The following GIMAP8 variants were observed in gnomAD, a reference collection of about 807,000 sequenced individuals.
The protein encoded by GIMAP8 is GTPase, IMAP family member 8, also known as GTPase IMAP family member 8.
GIMAP8 carries 29 observed loss-of-function variants against 35.6 expected under a neutral mutation model. That is an observed-to-expected ratio of 0.81 (90% CI 0.61 to 1.11). GIMAP8 has a LOEUF of 1.11. Among genes scored for constraint, GIMAP8 ranks in the 50% most tolerant of loss-of-function variants. The pLI is 0.00. For synonymous variants in GIMAP8, 335 were observed against 308.7 expected (o/e 1.09, Z -0.89); for missense variants, 811 against 805.0 (o/e 1.01, Z -0.09).
chr7:150,470,468 C>A (rs1271528425), intron 2 of GIMAP8, among the ~76,000 whole-genome samples: 1 of 152,030 alleles, frequency 6.6e-6, no homozygotes, highest in Non-Finnish European at 1.5e-5. Context: ...CCTGTTGTCT[C>A]CATTTGCCAG....
At chr7:150,470,937 C>T (rs1390234654) in intron 3 of GIMAP8, 63 bp downstream of exon 3, 5 of 1,184,676 alleles carry the variant, frequency 4.2e-6, no homozygotes, top group Middle Eastern at 1.9e-4. Flanking sequence ...ATTCTGCAGC[C>T]AAAGTGAAGC....
chr7:150,466,949 A>C lies in GIMAP8; in HGVS notation c.251A>C (p.Gln84Pro), dbSNP rs1303937568. 41 of 1,614,132 alleles carry C rather than the reference A, an allele frequency of 2.5e-5. No homozygotes were observed. The highest frequency in any genetic ancestry group is 3.4e-5 in the Non-Finnish European group (40 of 1,180,056). The change falls in exon 2 of 5, where the codon CAA (glutamine) becomes CCA (proline). Residue 84 changes from glutamine (Q) to proline (P), a missense_variant. Coordinates refer to ENST00000307271, the MANE Select transcript of GIMAP8 (RefSeq NM_175571.4). Reference protein sequence around the residue: ...ACAEDKQRNIQHCLELSAPSL... With the variant: ...ACAEDKQRNIPHCLELSAPSL... ...GCTGAAGACAAGCAACGCAACATCCAACACTGCTTGGAGCTCTCTGCTCCC... is the reference window on the plus strand; with the variant it reads ...GCTGAAGACAAGCAACGCAACATCCCACACTGCTTGGAGCTCTCTGCTCCC...
chr7:150,477,834 A>G lies in GIMAP8; in HGVS notation c.*54A>G. 7.0e-7 allele frequency: 1 copy of G among 1,436,068 alleles called. No homozygotes were observed. The highest frequency in any genetic ancestry group is 9.6e-7 in the Non-Finnish European group (1 of 1,044,682). 89.0% of individuals were successfully genotyped at this position (1,436,068 alleles called of 1,614,324 possible). A position where few individuals can be genotyped will look rare whatever the true frequency, so the allele number is the denominator to read the frequency against. On this transcript the variant is annotated 3_prime_UTR_variant, in exon 5 of 5. Coordinates refer to ENST00000307271, the MANE Select transcript of GIMAP8 (RefSeq NM_175571.4). The stretch of plus-strand genomic sequence containing the variant: ...TTAGAGACACCCTCAGGTTGGGGGG[A>G]GGGGCGGGGCATGGTACAACCTGTG...
At chr7:150,459,393 T>G (rs1585112856) in intron 1 of GIMAP8, among the ~76,000 whole-genome samples, 1 of 152,288 alleles carries the variant, frequency 6.6e-6, no homozygotes, top group African/African-American at 2.4e-5. Flanking sequence ...GAAGCATTTC[T>G]TTTTTTGGAA....
intron 1 of GIMAP8, among the ~76,000 whole-genome samples, chr7:150,460,314 A>G (rs1402025194): frequency 6.6e-6 from 1 of 152,172 alleles, no homozygotes; most frequent in Non-Finnish European, 1.5e-5. Flanking sequence ...AAATGTCTTC[A>G]TGTTTTCTTC....
In GIMAP8 at chr7:150,477,840, G is replaced by T; in HGVS notation, c.*60G>T. 1 of 1,389,460 alleles carries T rather than the reference G, an allele frequency of 7.2e-7. No homozygotes were observed. The highest frequency in any genetic ancestry group is 9.9e-7 in the Non-Finnish European group (1 of 1,006,218). 86.1% of individuals were successfully genotyped at this position (1,389,460 alleles called of 1,614,324 possible). ...ACACCCTCAGGTTGGGGGGAGGGGC[G>T]GGGCATGGTACAACCTGTGGGAAGG... On this transcript the variant is annotated 3_prime_UTR_variant, in exon 5 of 5. Coordinates refer to ENST00000307271, the MANE Select transcript of GIMAP8 (RefSeq NM_175571.4).
chr7:150,470,114 A>G, intron 2 of GIMAP8, among the ~76,000 whole-genome samples: 1 of 152,242 alleles, frequency 6.6e-6, no homozygotes, highest in Non-Finnish European at 1.5e-5. Flanking sequence ...TTTTGAATTT[A>G]GAGAACACTA....
rs1003002256 is a variant in GIMAP8 at position 150,477,486 on chromosome 7, A to G, written c.1704A>G (p.Glu568=). The G allele has an allele frequency of 3.7e-6, 6 of 1,614,088 alleles. No homozygotes were observed. The highest frequency in any genetic ancestry group is 4.2e-6 in the Non-Finnish European group (5 of 1,180,026). The change falls in exon 5 of 5, where the codon GAA becomes GAG. Residue 568 remains glutamate, a synonymous_variant. Coordinates refer to ENST00000307271, the MANE Select transcript of GIMAP8 (RefSeq NM_175571.4). ...KYAIMLFTRK[E]DLGAGNLEDF... ...CGATTATGCTGTTCACCCGGAAGGA[A>G]GACCTAGGGGCGGGGAATTTGGAAG...
chr7:150,477,517 A>C lies in GIMAP8; in HGVS notation c.1735A>C (p.Met579Leu). 2.5e-6 allele frequency: 4 copies of C among 1,614,162 alleles called. No homozygotes were observed. The highest frequency in any genetic ancestry group is 3.4e-6 in the Non-Finnish European group (4 of 1,180,026). Residue 579 changes from methionine to leucine, a missense_variant, in exon 5 of 5, where the codon ATG becomes CTG. Coordinates refer to ENST00000307271, the MANE Select transcript of GIMAP8 (RefSeq NM_175571.4). ...DLGAGNLEDF[M>L]KNSDNKALRR... is the part of the protein sequence containing the mutation. ...AGGGGCGGGGAATTTGGAAGACTTC[A>C]TGAAGAACTCAGATAACAAAGCCCT...
At chr7:150,456,998 G>A (rs553517812) in intron 1 of GIMAP8, among the ~76,000 whole-genome samples, 5 of 152,350 alleles carry the variant, frequency 3.3e-5, no homozygotes, top group Admixed American at 3.3e-4. Flanking sequence ...TGGTGCTAGA[G>A]GAATGAAGAC....
chr7:150,454,289 G>A (rs989999405), intron 1 of GIMAP8, among the ~76,000 whole-genome samples: 2 of 152,156 alleles, frequency 1.3e-5, no homozygotes, highest in South Asian at 2.1e-4. Context: ...AGAATGAAGC[G>A]TGACATTACC....
chr7:150,476,471 G>A (rs577591080), intron 4 of GIMAP8, among the ~76,000 whole-genome samples: 8 of 152,250 alleles, frequency 5.3e-5, no homozygotes, highest in South Asian at 2.1e-4. Context: ...ATAACCATGC[G>A]GTTTCTTCTG....
intron 1 of GIMAP8, among the ~76,000 whole-genome samples, chr7:150,457,264 A>G (rs1324849199): frequency 6.6e-6 from 1 of 152,244 alleles, no homozygotes; most frequent in Non-Finnish European, 1.5e-5. Context: ...GAACACCTCG[A>G]GCGATTTTCC....
At position 150,451,273 on chromosome 7, in the gene GIMAP8, CAT is replaced by C. The variant is rs1801600643; in HGVS notation, c.-29+99_-29+100del. 6.6e-6 allele frequency: 1 copy of C among 152,312 alleles called. No homozygotes were observed. The highest frequency in any genetic ancestry group is 1.5e-5 in the Non-Finnish European group (1 of 68,114). 9.4% of individuals were successfully genotyped at this position (152,312 alleles called of 1,614,324 possible). On this transcript the variant is annotated intron_variant, in intron 1 of 4. Transcript: ENST00000307271. This position sits in a 1 kb window ranked among gnomAD's most constrained non-coding sequence, Gnocchi z 4.1. ...GGACACGACCGCAGTGCATGTGTGACATGTGCACTCGTGTGTAGATGTGTGTG... is the reference window on the plus strand; with the variant it reads ...GGACACGACCGCAGTGCATGTGTGACGTGCACTCGTGTGTAGATGTGTGTG...
In GIMAP8 at chr7:150,477,389, G is replaced by A. The variant is rs1338376937; in HGVS notation, c.1607G>A (p.Arg536Gln). ...TFFVLVFQLG[R>Q]FTEEDKTAVA... ...TTTGTCCTGGTGTTCCAGCTGGGACGATTCACTGAAGAGGACAAAACAGCT... is the reference window on the plus strand; with the variant it reads ...TTTGTCCTGGTGTTCCAGCTGGGACAATTCACTGAAGAGGACAAAACAGCT... Residue 536 changes from arginine (R) to glutamine (Q), a missense_variant, in exon 5 of 5, where the codon CGA becomes CAA. Coordinates refer to ENST00000307271, the MANE Select transcript of GIMAP8 (RefSeq NM_175571.4). 12 of 1,614,090 alleles carry A rather than the reference G, an allele frequency of 7.4e-6. No homozygotes were observed. Among genetic ancestry groups the A allele is most frequent in the African/African-American group, 1.3e-5 (1 of 74,928 alleles).
At chr7:150,469,769 T>C (rs1248029855) in intron 2 of GIMAP8, among the ~76,000 whole-genome samples, 1 of 152,166 alleles carries the variant, frequency 6.6e-6, no homozygotes, top group East Asian at 1.9e-4. Flanking sequence ...CACAGCATCA[T>C]TTGAAACAGT....
intron 1 of GIMAP8, among the ~76,000 whole-genome samples, chr7:150,452,319 A>C (rs114727823): frequency 6.7e-6 from 1 of 150,272 alleles, no homozygotes; most frequent in African/African-American, 2.5e-5. Context: ...GCGTGTGTGT[A>C]TGTGGGTGTG....
chr7:150,462,415 T>C (rs1585114183), intron 1 of GIMAP8, among the ~76,000 whole-genome samples: 1 of 152,236 alleles, frequency 6.6e-6, no homozygotes, highest in Non-Finnish European at 1.5e-5. Context: ...TTCTCATTTG[T>C]ATATCTGCTC....
intron 1 of GIMAP8, among the ~76,000 whole-genome samples, chr7:150,464,698 A>G (rs1801913263): frequency 6.6e-6 from 1 of 152,214 alleles, no homozygotes. Flanking sequence ...CAGAAAAAAA[A>G]GAAAAGAAAT....
Sources: allele counts gnomAD v4.1 joint callset (sites outside exome capture counted in the v4.1 genomes callset), GRCh38; gene constraint gnomAD v4.1.1; non-coding constraint Gnocchi (gnomAD v3.1); transcripts MANE v1.5; gene names NCBI Gene and HGNC (gene_info 2026-07-23, HGNC 2026-07-21).